Variants in ZNF426 observed in about 807,000 individuals in gnomAD.
ZNF426 encodes zinc finger protein 426, also known as CTC-543D15.7.
In ZNF426, 23 loss-of-function variants were observed where a neutral mutation model predicts 24.0. The observed-to-expected ratio is 0.96, with a 90% CI of 0.69 to 1.36. The LOEUF (loss-of-function observed/expected upper bound fraction) is 1.36. Ranked by LOEUF, ZNF426 falls within the 40% of genes most tolerant of loss-of-function variation. The pLI is 0.00. For synonymous variants in ZNF426, 272 were observed against 224.6 expected (o/e 1.21, Z -1.89); for missense variants, 646 against 658.4 (o/e 0.98, Z 0.21).
intron 5 of ZNF426, 97 bp from the exon 6 acceptor site, chr19:9,533,022 G>T: frequency 9.2e-7 from 1 of 1,090,274 alleles, no homozygotes; most frequent in Non-Finnish European, 1.4e-6. Flanking sequence ...AAGTGGTGAA[G>T]CTATTTCAAA....
In ZNF426 at chr19:9,523,633, A is replaced by G. The variant is rs1405235870; in HGVS notation, c.*4747T>C. 9.9e-5 allele frequency: 15 copies of G among 152,252 alleles called. No individual in the cohort carries two copies. The highest frequency in any genetic ancestry group is 9.8e-4 in the Admixed American group (15 of 15,276). The allele number at this position is 152,252 out of a possible 1,614,324, so 9.4% of individuals were successfully genotyped here. A position where few individuals can be genotyped will look rare whatever the true frequency, so the allele number is the denominator to read the frequency against. On this transcript the variant is annotated 3_prime_UTR_variant, in exon 8 of 8. Coordinates refer to ENST00000253115, the MANE Select transcript of ZNF426 (RefSeq NM_024106.3). ...TTGGCACCAGGGACCAGTTTCGTGG[A>G]AGACATTTTTCCCACGGACTGGAGT...
chr19:9,524,001 G>C lies in ZNF426; in HGVS notation c.*4379C>G, dbSNP rs1480800050. 2 of 152,262 alleles carry C rather than the reference G, an allele frequency of 1.3e-5. No homozygotes were observed. Among genetic ancestry groups the C allele is most frequent in the East Asian group, 3.8e-4 (2 of 5,202 alleles). 9.4% of individuals were successfully genotyped at this position (152,262 alleles called of 1,614,324 possible). A position where few individuals can be genotyped will look rare whatever the true frequency, so the allele number is the denominator to read the frequency against. The stretch of plus-strand genomic sequence containing the variant: ...ATATTAAAGCTTGTGGAACATAAAA[G>C]GGTTTTCCCACAATCCTTGAATTCA... On this transcript the variant is annotated 3_prime_UTR_variant, in exon 8 of 8. Transcript: ENST00000253115.
intron 7 of ZNF426, among the ~76,000 whole-genome samples, chr19:9,529,986 T>C (rs887366580): frequency 6.6e-6 from 1 of 152,152 alleles, no homozygotes. Context: ...CTGGGCTTGG[T>C]GGCACATGCC....
intron 3 of ZNF426, 35 bp from the exon 4 acceptor site, chr19:9,535,314 G>C (rs1182499245): frequency 6.6e-7 from 1 of 1,524,824 alleles, no homozygotes. Flanking sequence ...ACCCCGAGCT[G>C]ACCATAATCC....
chr19:9,537,451 CTT>C (rs199870394), intron 2 of ZNF426, among the ~76,000 whole-genome samples: 7 of 137,898 alleles, frequency 5.1e-5, no homozygotes, highest in Admixed American at 1.5e-4. Context: ...ATATTTAACT[CTT>C]TTTTTTTTTT....
chr19:9,529,223 G>A lies in ZNF426; in HGVS notation c.822C>T (p.Leu274=), dbSNP rs757955745. 6.2e-7 allele frequency: 1 copy of A among 1,613,884 alleles called. No homozygotes were observed. Residue 274 remains leucine, a synonymous_variant, in exon 8 of 8, where the codon CTC becomes CTT. Coordinates refer to ENST00000253115, the MANE Select transcript of ZNF426 (RefSeq NM_024106.3). ...TACATTTGTAGGGCTTTTTTGCATT[G>A]AGGGTTTCTATAAGCACAGAAAGGC... ...STSLSVLIET[L]NAKKPYKCKE...
Position 9,535,219 on chromosome 19 carries a change from ATT to A in ZNF426, c.84_85del (p.Arg28SerfsTer4). ...ACAATCTGTTAGGCAGTCAGCCACTATTCTTCCTGCTGGTGTCTTTTCTTCAT... is the reference window on the plus strand; with the variant it reads ...ACAATCTGTTAGGCAGTCAGCCACTACTTCCTGCTGGTGTCTTTTCTTCAT... On this transcript the variant is annotated frameshift_variant, in exon 4 of 8. Transcript: ENST00000253115. LOFTEE classifies it high-confidence loss of function. The A allele has an allele frequency of 1.9e-6, 3 of 1,613,652 alleles. No individual in the cohort carries two copies. Among genetic ancestry groups the A allele is most frequent in the Non-Finnish European group, 2.5e-6 (3 of 1,179,730 alleles).
At position 9,528,604 on chromosome 19, in the gene ZNF426, A is replaced by G. The variant is rs1237368785; in HGVS notation, c.1441T>C (p.Cys481Arg). 1.2e-6 allele frequency: 2 copies of G among 1,613,830 alleles called. No homozygotes were observed. Among genetic ancestry groups the G allele is most frequent in the African/African-American group, 2.7e-5 (2 of 74,834 alleles). Residue 481 changes from cysteine to arginine, a missense_variant, in exon 8 of 8, where the codon TGT (cysteine) becomes CGT (arginine). Physicochemically the swap from Cys to Arg is radical, Grantham distance 180. Transcript: ENST00000253115. ...CTGGAATGACTGAAGGCCTTTCCAC[A>G]TTGTTTACACTCATAGGGTTTTTCT... ...TGEKPYECKQ[C>R]GKAFSHSSSF...
At position 9,531,029 on chromosome 19, in the gene ZNF426, G is replaced by A. The variant is rs775150500; in HGVS notation, c.364C>T (p.Gln122Ter). Reference sequence around the variant, plus strand: ...GTCTGACCCCTCAAAAAGTCCTGCTGAAGTATAGACCACTGGGTTTCAAGT... The same window carrying A: ...GTCTGACCCCTCAAAAAGTCCTGCTAAAGTATAGACCACTGGGTTTCAAGT... ...MRLETQWSIL[Q>*]QDFLRGQTSI... The change falls in exon 7 of 8, where the codon CAG becomes TAG. Residue 122 changes from glutamine (Q) to a stop codon, truncating the protein, a stop_gained. Coordinates refer to ENST00000253115, the MANE Select transcript of ZNF426 (RefSeq NM_024106.3). LOFTEE classifies it low-confidence loss of function (END_TRUNC). The A allele has an allele frequency of 2.6e-5, 42 of 1,613,954 alleles. No individual in the cohort carries two copies. Among genetic ancestry groups the A allele is most frequent in the Non-Finnish European group, 3.5e-5 (41 of 1,179,952 alleles).
chr19:9,531,722 T>C (rs749140672), intron 6 of ZNF426, among the ~76,000 whole-genome samples: 6 of 152,298 alleles, frequency 3.9e-5, no homozygotes, highest in Non-Finnish European at 4.4e-5. Context: ...CGGTGGCTCA[T>C]GCCTTTAATC....
In ZNF426 at chr19:9,533,451, C is replaced by T. The variant is rs577434187; in HGVS notation, c.244+389G>A. Among the ~76,000 whole-genome samples, 226 of 152,238 alleles carry T rather than the reference C, an allele frequency of 1.5e-3. 1 individual carries two copies. Among genetic ancestry groups the T allele is most frequent in the Non-Finnish European group, 2.2e-3 (151 of 68,022 alleles). On this transcript the variant is annotated intron_variant, in intron 5 of 7. Transcript: ENST00000253115. ...AGCCTGCGTGACAGAGTGAAACTGT[C>T]TCAAAACAAGAACAACAACAAATAA...
At position 9,536,115 on chromosome 19, in the gene ZNF426, T is replaced by G. The variant is rs1486412125; in HGVS notation, c.25+93A>C. 7 of 1,553,110 alleles carry G rather than the reference T, an allele frequency of 4.5e-6. No homozygotes were observed. In the East Asian group the frequency reaches 1.6e-4, roughly 35 times the overall value. On this transcript the variant is annotated intron_variant, in intron 3 of 7. Transcript: ENST00000253115. ...CACCCCTCAGCACCTCCCAAATGAATCAGCAACATGACCAGCTGCCCAAAC... is the reference window on the plus strand; with the variant it reads ...CACCCCTCAGCACCTCCCAAATGAAGCAGCAACATGACCAGCTGCCCAAAC...
chr19:9,529,345 T>G lies in ZNF426; in HGVS notation c.700A>C (p.Ile234Leu), dbSNP rs1288621800. The change falls in exon 8 of 8, where the codon ATT becomes CTT. Residue 234 changes from isoleucine (I) to leucine (L), a missense_variant. Transcript: ENST00000253115. ...TGTGCCTGAAGGTATGACTCATTAA[T>G]GAAGGATTTTCCACAGTGACTACAT... ...FECSHCGKSF[I>L]NESYLQAHMR... The G allele has an allele frequency of 6.2e-7, 1 of 1,614,222 alleles. No individual in the cohort carries two copies. Among genetic ancestry groups the G allele is most frequent in the South Asian group, 1.1e-5 (1 of 91,076 alleles).
In ZNF426 at chr19:9,525,378, T is replaced by A. The variant is rs1338107974; in HGVS notation, c.*3002A>T. On this transcript the variant is annotated 3_prime_UTR_variant, in exon 8 of 8. Transcript: ENST00000253115. The stretch of plus-strand genomic sequence containing the variant: ...AAATTTTCACACATTCAATAAGGTT[T>A]GAGTAACTAGTGATGGCTTCTCTAT... 6.6e-6 allele frequency: 1 copy of A among 152,250 alleles called. No homozygotes were observed. The highest frequency in any genetic ancestry group is 2.4e-5 in the African/African-American group (1 of 41,468). 9.4% of individuals were successfully genotyped at this position (152,250 alleles called of 1,614,324 possible).
rs912751183 is a variant in ZNF426, at chr19:9,524,271, T to C, written c.*4109A>G. The C allele has an allele frequency of 3.9e-5, 6 of 152,226 alleles. No individual in the cohort carries two copies. Among genetic ancestry groups the C allele is most frequent in the East Asian group, 3.8e-4 (2 of 5,206 alleles). The allele number at this position is 152,226 out of a possible 1,614,324, so 9.4% of individuals were successfully genotyped here. The stretch of plus-strand genomic sequence containing the variant: ...GCCTTTCCCATATTTTCCATTTACA[T>C]AGGGTTTCCTGCCACTGTGAATTCT... On this transcript the variant is annotated 3_prime_UTR_variant, in exon 8 of 8. Transcript: ENST00000253115.
rs1012023458 is a variant in ZNF426 at position 9,533,766 on chromosome 19, G to A, written c.244+74C>T. 1.6e-5 allele frequency: 26 copies of A among 1,588,226 alleles called. No homozygotes were observed. In the African/African-American group the frequency reaches 2.6e-4, roughly 16 times the overall value. Reference sequence around the variant, plus strand: ...TCTCTTTGCATTCAGAGTTGACATTGCCAATGCTGCAAAACAGTAAGTACA... The same window carrying A: ...TCTCTTTGCATTCAGAGTTGACATTACCAATGCTGCAAAACAGTAAGTACA... On this transcript the variant is annotated intron_variant, in intron 5 of 7. Coordinates refer to ENST00000253115, the MANE Select transcript of ZNF426 (RefSeq NM_024106.3).
Position 9,528,406 on chromosome 19 carries a change from G to C in ZNF426, c.1639C>G (p.Leu547Val). 4 of 1,586,500 alleles carry C rather than the reference G, an allele frequency of 2.5e-6. No individual in the cohort carries two copies. The highest frequency in any genetic ancestry group is 3.4e-6 in the Non-Finnish European group (4 of 1,168,584). The change falls in exon 8 of 8, where the codon CTT becomes GTT. Residue 547 changes from leucine to valine, a missense_variant. Transcript: ENST00000253115. ...TAGTGAATTTGTTCATGTCTTCGAA[G>C]TGAACGGGGATGACTGTAAGCTTTC... ...CGKAYSHPRSLRRHEQIH is the reference protein window; with the variant it reads ...CGKAYSHPRSVRRHEQIH
chr19:9,529,303 C>G lies in ZNF426; in HGVS notation c.742G>C (p.Gly248Arg), dbSNP rs755892119. The G allele has an allele frequency of 1.9e-6, 3 of 1,614,016 alleles. No individual in the cohort carries two copies. Among genetic ancestry groups the G allele is most frequent in the Non-Finnish European group, 2.5e-6 (3 of 1,179,988 alleles). Residue 248 changes from glycine (G) to arginine (R), a missense_variant, in exon 8 of 8, where the codon GGA (glycine) becomes CGA (arginine). Coordinates refer to ENST00000253115, the MANE Select transcript of ZNF426 (RefSeq NM_024106.3). ...YLQAHMRTHN[G>R]EKLYEWRNYG... ...TTCCTCCATTCGTAGAGTTTTTCTC[C>G]ATTGTGAGTTCTCATATGTGCCTGA...
rs2073835907 is a variant in ZNF426, at chr19:9,528,922, TAAGG to T, written c.1119_1122del (p.Phe373LeufsTer10). On this transcript the variant is annotated frameshift_variant, in exon 8 of 8. Coordinates refer to ENST00000253115, the MANE Select transcript of ZNF426 (RefSeq NM_024106.3). LOFTEE classifies it low-confidence loss of function (END_TRUNC). ...ATATGTTGAATAAGGCGTGAGGATG[TAAGG>T]AAGGATTTCCCACATTCCTTACATT... The T allele has an allele frequency of 7.4e-6, 12 of 1,613,822 alleles. No individual in the cohort carries two copies. Among genetic ancestry groups the T allele is most frequent in the East Asian group, 2.2e-5 (1 of 44,858 alleles).
Sources: gnomAD v4.1 joint callset for allele counts (sites outside exome capture counted in the v4.1 genomes callset) on GRCh38, gnomAD v4.1.1 for gene constraint, MANE v1.5 for transcripts, NCBI Gene and HGNC (gene_info 2026-07-23, HGNC 2026-07-21) for gene names.